The following PAGR1 variants were observed in gnomAD, a reference collection of about 807,000 sequenced individuals.
The protein encoded by PAGR1 is PAXIP1 associated glutamate rich protein 1.
A neutral mutation model predicts 22.4 loss-of-function variants in PAGR1; 20 were observed. That is an observed-to-expected ratio of 0.89 (90% CI 0.63 to 1.30). PAGR1 has a LOEUF of 1.30. PAGR1 is among the 50% of genes most tolerant of loss of function. The pLI is 0.00. For synonymous variants in PAGR1, 161 were observed against 148.3 expected, an observed-to-expected ratio of 1.09 and a Z score of -0.62; for missense variants, 338 against 343.6, an observed-to-expected ratio of 0.98 and a Z score of 0.13.
rs1204507363 is a variant in PAGR1 at position 29,819,838 on chromosome 16, C to T, written c.*84C>T. On this transcript the variant is annotated 3_prime_UTR_variant, in exon 3 of 3. Coordinates refer to ENST00000320330, the MANE Select transcript of PAGR1 (RefSeq NM_024516.4). ...CTTCCCCAGCCCAGACATTGAGAAA[C>T]TTGGGAAGAAGAGAGAAACCTCAAG... The T allele has an allele frequency of 2.1e-6, 3 of 1,429,626 alleles. No individual in the cohort carries two copies. The highest frequency in any genetic ancestry group is 2.5e-5 in the Admixed American group (1 of 40,070). 88.6% of individuals were successfully genotyped at this position (1,429,626 alleles called of 1,614,324 possible). A position where few individuals can be genotyped will look rare whatever the true frequency, so the allele number is the denominator to read the frequency against.
intron 2 of PAGR1, 39 bp downstream of exon 2, chr16:29,817,331 C>T (rs1394503086): frequency 2.4e-5 from 39 of 1,601,990 alleles, no homozygotes; most frequent in Middle Eastern, 1.6e-4. Context: ...AGGTGAAGGG[C>T]CTCGGCTCAG....
chr16:29,819,838 CT>C lies in PAGR1; in HGVS notation c.*86del. ...CTTCCCCAGCCCAGACATTGAGAAA[CT>C]TGGGAAGAAGAGAGAAACCTCAAGC... On this transcript the variant is annotated 3_prime_UTR_variant, in exon 3 of 3. Transcript: ENST00000320330. 1 of 1,429,744 alleles carries C rather than the reference CT, an allele frequency of 7.0e-7. No homozygotes were observed. The highest frequency in any genetic ancestry group is 9.4e-7 in the Non-Finnish European group (1 of 1,068,256). 88.6% of individuals were successfully genotyped at this position (1,429,744 alleles called of 1,614,324 possible). A position where few individuals can be genotyped will look rare whatever the true frequency, so the allele number is the denominator to read the frequency against.
rs1402288331 is a variant in PAGR1 at position 29,817,250 on chromosome 16, G to T, written c.523G>T (p.Val175Leu). ...GGAATTTGATTTTGATGATGAGCCA[G>T]TGACACCAAAGGACTCCCTGATTGA... ...PTEFDFDDEP[V>L]TPKDSLIDRR... is the part of the protein sequence containing the mutation. Residue 175 changes from valine to leucine, a missense_variant, in exon 2 of 3, where the codon GTG (valine) becomes TTG (leucine). Coordinates refer to ENST00000320330, the MANE Select transcript of PAGR1 (RefSeq NM_024516.4). 6.2e-7 allele frequency: 1 copy of T among 1,613,964 alleles called. No individual in the cohort carries two copies. The highest frequency in any genetic ancestry group is 8.5e-7 in the Non-Finnish European group (1 of 1,180,028).
At position 29,816,700 on chromosome 16, in the gene PAGR1, C is replaced by T. The variant is rs757058094; in HGVS notation, c.175C>T (p.Arg59Cys). The T allele has an allele frequency of 1.9e-6, 3 of 1,607,166 alleles. No individual in the cohort carries two copies. The highest frequency in any genetic ancestry group is 1.1e-5 in the South Asian group (1 of 90,776). Residue 59 changes from arginine to cysteine, a missense_variant, in exon 1 of 3, where the codon CGT becomes TGT. Physicochemically the swap from Arg to Cys is radical, Grantham distance 180. Transcript: ENST00000320330. ...EGEGGREETE[R>C]EGSGGEEAQG... ...GGAAGGAGGCCGAGAGGAGACCGAG[C>T]GTGAGGGGTCCGGGGGCGAGGAGGC...
chr16:29,816,532 C>A lies in PAGR1; in HGVS notation c.7C>A (p.Leu3Ile). Residue 3 changes from leucine (L) to isoleucine (I), a missense_variant, in exon 1 of 3, where the codon CTT becomes ATT. Physicochemically the swap from Leu to Ile is conservative, Grantham distance 5 (BLOSUM62 2). Around this residue, in one of 3 missense-constraint regions of PAGR1, gnomAD observed 235 missense variants for 216.0 expected, o/e 1.09. Transcript: ENST00000320330. MS[L>I]ARGHGDTAAS... ...GTCCCTGCCCTAGTGGCCTATGTCC[C>A]TTGCTCGGGGCCATGGAGACACTGC... is the stretch of plus-strand genomic sequence containing the variant. The A allele has an allele frequency of 6.6e-7, 1 of 1,507,412 alleles. No individual in the cohort carries two copies. Among genetic ancestry groups the A allele is most frequent in the Non-Finnish European group, 8.9e-7 (1 of 1,129,770 alleles). The allele number at this position is 1,507,412 out of a possible 1,614,324, so 93.4% of individuals were successfully genotyped here.
rs952198075 is a variant in PAGR1, at chr16:29,820,908, C to G, written c.*1154C>G. 1 of 152,450 alleles carries G rather than the reference C, an allele frequency of 6.6e-6. No individual in the cohort carries two copies. Among genetic ancestry groups the G allele is most frequent in the Non-Finnish European group, 1.5e-5 (1 of 68,302 alleles). The allele number at this position is 152,450 out of a possible 1,614,324, so 9.4% of individuals were successfully genotyped here. A position where few individuals can be genotyped will look rare whatever the true frequency, so the allele number is the denominator to read the frequency against. On this transcript the variant is annotated 3_prime_UTR_variant, in exon 3 of 3. Coordinates refer to ENST00000320330, the MANE Select transcript of PAGR1 (RefSeq NM_024516.4). ...CTGTCCTGGGGACCTGGGCTCTGGC[C>G]TGTCACCTTGAGCTCCAAGAATGTG...
At chr16:29,818,652 C>G (rs898762455) in intron 2 of PAGR1, 1 of 152,166 alleles carries the variant, frequency 6.6e-6, no homozygotes, top group Non-Finnish European at 1.5e-5. Context: ...ATCTCCACCT[C>G]CTGGGTTGAA....
At chr16:29,817,135 A>ACGG (rs1900267484) in intron 1 of PAGR1, 75 bp from the exon 2 acceptor site, 1 of 1,603,342 alleles carries the variant, frequency 6.2e-7, no homozygotes, top group South Asian at 1.1e-5. Context: ...GGGAGGAGGA[A>ACGG]CGGGCAGGGG....
At chr16:29,818,568 C>G (rs913751314) in intron 2 of PAGR1, 1 of 151,794 alleles carries the variant, frequency 6.6e-6, no homozygotes, top group Non-Finnish European at 1.5e-5. Flanking sequence ...AATCATATCA[C>G]TTTTTTTTTC....
At position 29,819,700 on chromosome 16, in the gene PAGR1, C is replaced by A; in HGVS notation, c.711C>A (p.Ser237Arg). 6.2e-7 allele frequency: 1 copy of A among 1,613,758 alleles called. No homozygotes were observed. The highest frequency in any genetic ancestry group is 8.5e-7 in the Non-Finnish European group (1 of 1,179,998). Residue 237 changes from serine (S) to arginine (R), a missense_variant, in exon 3 of 3, where the codon AGC (serine) becomes AGA (arginine). Transcript: ENST00000320330. ...ACTCGGAGGACCCCAGCCCCGCCAG[C>A]CCCCCACTCCGATCCTCCGGGAGTA... The part of the protein sequence containing the change: ...SLDSEDPSPA[S>R]PPLRSSGSSL...
chr16:29,819,981 G>A lies in PAGR1; in HGVS notation c.*227G>A, dbSNP rs1316176282. On this transcript the variant is annotated 3_prime_UTR_variant, in exon 3 of 3. Transcript: ENST00000320330. ...GTTTTCTATTGAACACCTATAGAGA[G>A]AGTGTGTGTGTTTTCTATTGAACAT... is the stretch of plus-strand genomic sequence containing the variant. The A allele has an allele frequency of 1.9e-6, 1 of 524,194 alleles. No homozygotes were observed. Among genetic ancestry groups the A allele is most frequent in the Non-Finnish European group, 3.4e-6 (1 of 297,470 alleles). The allele number at this position is 524,194 out of a possible 1,614,324, so 32.5% of individuals were successfully genotyped here.
Position 29,822,348 on chromosome 16 carries a change from C to G in PAGR1, c.*2594C>G, listed in dbSNP as rs1470488057. ...AAAAAAAAAAAAGTAATTTATGAGACACATTCTCAATTTCCATTAATCATC... is the reference window on the plus strand; with the variant it reads ...AAAAAAAAAAAAGTAATTTATGAGAGACATTCTCAATTTCCATTAATCATC... On this transcript the variant is annotated 3_prime_UTR_variant, in exon 3 of 3. Coordinates refer to ENST00000320330, the MANE Select transcript of PAGR1 (RefSeq NM_024516.4). 1.3e-5 allele frequency among the ~76,000 whole-genome samples: 2 copies of G among 151,802 alleles called. No homozygotes were observed. Among genetic ancestry groups the G allele is most frequent in the African/African-American group, 2.4e-5 (1 of 41,282 alleles).
rs942165207 is a variant in PAGR1, at chr16:29,822,406, T to C, written c.*2652T>C. On this transcript the variant is annotated 3_prime_UTR_variant, in exon 3 of 3. Coordinates refer to ENST00000320330, the MANE Select transcript of PAGR1 (RefSeq NM_024516.4). ...GGGGGTAAACCAGGAAGCCGCTGGG[T>C]GAAAACAGGCTGTTGGCAATTCCTG... 6.6e-6 allele frequency: 1 copy of C among 152,114 alleles called. No homozygotes were observed. Among genetic ancestry groups the C allele is most frequent in the African/African-American group, 2.4e-5 (1 of 41,416 alleles). 9.4% of individuals were successfully genotyped at this position (152,114 alleles called of 1,614,324 possible). A position where few individuals can be genotyped will look rare whatever the true frequency, so the allele number is the denominator to read the frequency against.
intron 1 of PAGR1, 54 bp from the exon 2 acceptor site, chr16:29,817,156 G>C (rs1335313950): frequency 5.6e-6 from 9 of 1,612,106 alleles, no homozygotes; most frequent in Non-Finnish European, 7.6e-6. Flanking sequence ...AGAAGCACAC[G>C]TGTGGGTGGG....
chr16:29,819,374 G>A (rs572312213), intron 2 of PAGR1, 181 bp from the exon 3 acceptor site: 1 of 654,958 alleles, frequency 1.5e-6, no homozygotes, highest in South Asian at 1.8e-5. Context: ...GTGCCTTCCT[G>A]TCAATCAAGA....
At position 29,816,947 on chromosome 16, in the gene PAGR1, C is replaced by T; in HGVS notation, c.422C>T (p.Ala141Val). ...ILPRRPPTPE[A>V]QSEEERSDEE... ...CCCCGCCGGCCTCCCACGCCGGAGG[C>T]CCAGAGCGAAGAGGAGAGATCCGAT... Residue 141 changes from alanine to valine, a missense_variant, in exon 1 of 3, where the codon GCC becomes GTC. Ala to Val is a moderately conservative substitution (Grantham distance 64). Around this residue, in one of 3 missense-constraint regions of PAGR1, gnomAD observed 235 missense variants for 216.0 expected, o/e 1.09. Transcript: ENST00000320330. 2 of 1,572,720 alleles carry T rather than the reference C, an allele frequency of 1.3e-6. No homozygotes were observed. Among genetic ancestry groups the T allele is most frequent in the Non-Finnish European group, 8.6e-7 (1 of 1,161,050 alleles).
In PAGR1 at chr16:29,821,827, AG is replaced by A. The variant is rs2067363760; in HGVS notation, c.*2077del. 6.6e-6 allele frequency among the ~76,000 whole-genome samples: 1 copy of A among 152,224 alleles called. No individual in the cohort carries two copies. Among genetic ancestry groups the A allele is most frequent in the Non-Finnish European group, 1.5e-5 (1 of 68,042 alleles). On this transcript the variant is annotated 3_prime_UTR_variant, in exon 3 of 3. Coordinates refer to ENST00000320330, the MANE Select transcript of PAGR1 (RefSeq NM_024516.4). Reference sequence around the variant, plus strand: ...TCATCTGAAGTGGGAGCTGTTACTTAGGGGCGTTTGCCTAGAACACAGGGTC... The same window carrying A: ...TCATCTGAAGTGGGAGCTGTTACTTAGGGCGTTTGCCTAGAACACAGGGTC...
rs750176614 is a variant in PAGR1 at position 29,816,954 on chromosome 16, C to G, written c.429C>G (p.Ser143Arg). ...GGCCTCCCACGCCGGAGGCCCAGAG[C>G]GAAGAGGAGAGATCCGATGAGGAGC... is the stretch of plus-strand genomic sequence containing the variant. ...PRRPPTPEAQ[S>R]EEERSDEEPE... Residue 143 changes from serine (S) to arginine (R), a missense_variant, in exon 1 of 3, where the codon AGC becomes AGG. This residue lies in a region of PAGR1 where 235 missense variants were observed against 216.0 expected (regional missense o/e 1.09). Transcript: ENST00000320330. 2.5e-6 allele frequency: 4 copies of G among 1,571,672 alleles called. No homozygotes were observed. The highest frequency in any genetic ancestry group is 3.4e-6 in the Non-Finnish European group (4 of 1,160,532).
rs1369913248 is a variant in PAGR1, at chr16:29,816,735, A to G, written c.210A>G (p.Glu70=). Residue 70 remains glutamate (E), a synonymous_variant, in exon 1 of 3, where the codon GAA becomes GAG. Transcript: ENST00000320330. ...EGSGGEEAQG[E]VPSAGGEEPA... ...CCGGGGGCGAGGAGGCGCAGGGAGA[A>G]GTCCCCAGCGCTGGGGGAGAAGAGC... The G allele has an allele frequency of 6.2e-7, 1 of 1,603,404 alleles. No individual in the cohort carries two copies. The highest frequency in any genetic ancestry group is 8.5e-7 in the Non-Finnish European group (1 of 1,175,696).
Sources: allele counts gnomAD v4.1 joint callset (sites outside exome capture counted in the v4.1 genomes callset), GRCh38; gene constraint gnomAD v4.1.1; regional missense constraint gnomAD v4.1.1; transcripts MANE v1.5; gene names NCBI Gene and HGNC (gene_info 2026-07-23, HGNC 2026-07-21).